Variants in OR2G6 observed in about 807,000 individuals in gnomAD.
OR2G6 encodes olfactory receptor 2G6.
For missense variants in OR2G6, 457 were observed against 391.3 expected (o/e 1.17, Z -1.42); for synonymous variants, 183 against 155.2 (o/e 1.18, Z -1.33).
At chr1:248,520,815 C>G (rs1177759582) in intron 1 of OR2G6, among the ~76,000 whole-genome samples, 3 of 150,722 alleles carry the variant, frequency 2.0e-5, no homozygotes, top group Non-Finnish European at 3.0e-5. Context: ...TCCAGACCAG[C>G]CTGGCCAACA....
In OR2G6 at chr1:248,522,680, C is replaced by CAAGA; in HGVS notation, c.*83_*84insAAGA. On this transcript the variant is annotated 3_prime_UTR_variant, in exon 2 of 2. Coordinates refer to ENST00000641804, the MANE Select transcript of OR2G6 (RefSeq NM_001013355.2). Reference sequence around the variant, plus strand: ...TCCCCAGACATTCCTCTTGTCAATCCCAAAGCCACAGGGACTAGGAAGCAT... The same window carrying CAAGA: ...TCCCCAGACATTCCTCTTGTCAATCCAAGACAAAGCCACAGGGACTAGGAAGCAT... The CAAGA allele has an allele frequency of 1.1e-6, 1 of 890,832 alleles. No homozygotes were observed. The allele number at this position is 890,832 out of a possible 1,614,324, so 55.2% of individuals were successfully genotyped here.
At chr1:248,520,107 C>CAT (rs1558370975) in intron 1 of OR2G6, among the ~76,000 whole-genome samples, 2 of 152,176 alleles carry the variant, frequency 1.3e-5, no homozygotes, top group African/African-American at 4.8e-5. Flanking sequence ...GAAAAGGATG[C>CAT]ATTCATGTCC....
chr1:248,522,889 T>C lies in OR2G6; in HGVS notation c.*292T>C. On this transcript the variant is annotated 3_prime_UTR_variant, in exon 2 of 2. Coordinates refer to ENST00000641804, the MANE Select transcript of OR2G6 (RefSeq NM_001013355.2). ...TTCCTCTTGTCAATCCAAGACCCTG[T>C]GTTCTATCTGGAAAAAAATGTTTGT... 3.1e-6 allele frequency: 1 copy of C among 318,256 alleles called. No individual in the cohort carries two copies. The highest frequency in any genetic ancestry group is 5.7e-6 in the Non-Finnish European group (1 of 174,484). The allele number at this position is 318,256 out of a possible 1,614,324, so 19.7% of individuals were successfully genotyped here. A position where few individuals can be genotyped will look rare whatever the true frequency, so the allele number is the denominator to read the frequency against.
rs1332816475 is a variant in OR2G6, at chr1:248,525,117, A to G, written c.*2520A>G. On this transcript the variant is annotated 3_prime_UTR_variant, in exon 2 of 2. Coordinates refer to ENST00000641804, the MANE Select transcript of OR2G6 (RefSeq NM_001013355.2). Reference sequence around the variant, plus strand: ...ATCTAAAAAATATCCACCATTTATTAAAAATCTTCCCTATAATTGAATAAC... The same window carrying G: ...ATCTAAAAAATATCCACCATTTATTGAAAATCTTCCCTATAATTGAATAAC... 1 of 152,172 alleles carries G rather than the reference A, an allele frequency of 6.6e-6. No homozygotes were observed. Among genetic ancestry groups the G allele is most frequent in the African/African-American group, 2.4e-5 (1 of 41,450 alleles). 9.4% of individuals were successfully genotyped at this position (152,172 alleles called of 1,614,324 possible).
At position 248,526,098 on chromosome 1, in the gene OR2G6, C is replaced by T. The variant is rs1008026051; in HGVS notation, c.*3501C>T. ...TGATCAGACAGGGAAAATAAAAGTA[C>T]CAAGAAAAATAAACAAGGGTCTTAT... On this transcript the variant is annotated 3_prime_UTR_variant, in exon 2 of 2. Coordinates refer to ENST00000641804, the MANE Select transcript of OR2G6 (RefSeq NM_001013355.2). The T allele has an allele frequency of 2.0e-5, 3 of 151,656 alleles. No individual in the cohort carries two copies. Among genetic ancestry groups the T allele is most frequent in the Admixed American group, 6.6e-5 (1 of 15,194 alleles). The allele number at this position is 151,656 out of a possible 1,614,324, so 9.4% of individuals were successfully genotyped here.
At chr1:248,519,757 A>G (rs1012083625) in intron 1 of OR2G6, among the ~76,000 whole-genome samples, 2 of 152,164 alleles carry the variant, frequency 1.3e-5, no homozygotes, top group African/African-American at 4.8e-5. Context: ...GTTCGAAGTC[A>G]GGTAGTGTGA....
At chr1:248,521,582 C>A in intron 1 of OR2G6, 29 bp from the exon 2 acceptor site, 1 of 1,184,016 alleles carries the variant, frequency 8.4e-7, no homozygotes, top group Non-Finnish European at 1.2e-6. Flanking sequence ...GACCTCATTA[C>A]TTTCTATCCC....
In OR2G6 at chr1:248,522,563, TG is replaced by T. The variant is rs1259342648; in HGVS notation, c.920del (p.Gly307ValfsTer17). Reference protein sequence around the residue: ...DVKGALRTLILGSAAGQSHKD With the variant: ...DVKGALRTLIXGSAAGQSHKD ...AAAGGGGCCTTGAGGACCCTGATACTGGGTAGTGCTGCTGGACAAAGCCACA... is the reference window on the plus strand; with the variant it reads ...AAAGGGGCCTTGAGGACCCTGATACTGGTAGTGCTGCTGGACAAAGCCACA... On this transcript the variant is annotated frameshift_variant, in exon 2 of 2. Coordinates refer to ENST00000641804, the MANE Select transcript of OR2G6 (RefSeq NM_001013355.2). LOFTEE classifies it low-confidence loss of function (END_TRUNC). The T allele has an allele frequency of 6.2e-7, 1 of 1,612,384 alleles. No individual in the cohort carries two copies. Among genetic ancestry groups the T allele is most frequent in the African/African-American group, 1.3e-5 (1 of 74,782 alleles).
chr1:248,520,678 C>A (rs12739861), intron 1 of OR2G6, among the ~76,000 whole-genome samples: 47,908 of 151,220 alleles, frequency 0.32, 8,162 homozygotes, highest in East Asian at 0.51. Flanking sequence ...TTCAAGAGCA[C>A]CCTAGCCAAC....
chr1:248,522,269 T>C lies in OR2G6; in HGVS notation c.623T>C (p.Ile208Thr), dbSNP rs1369928291. 6.2e-7 allele frequency: 1 copy of C among 1,614,168 alleles called. No individual in the cohort carries two copies. The highest frequency in any genetic ancestry group is 2.2e-5 in the East Asian group (1 of 44,888). ...ELFVASVVFL[I>T]VPVLLILVSY... ...TTTGTGGCCAGTGTAGTCTTTCTAA[T>C]TGTCCCGGTGTTACTCATCTTAGTC... Residue 208 changes from isoleucine (I) to threonine (T), a missense_variant, in exon 2 of 2, where the codon ATT (isoleucine) becomes ACT (threonine). Coordinates refer to ENST00000641804, the MANE Select transcript of OR2G6 (RefSeq NM_001013355.2).
At chr1:248,519,798 T>C (rs761928262) in intron 1 of OR2G6, among the ~76,000 whole-genome samples, 90 of 152,192 alleles carry the variant, frequency 5.9e-4, no homozygotes, top group Non-Finnish European at 1.1e-3. Context: ...TTGCTTAGGA[T>C]TGTCTTGGCT....
In OR2G6 at chr1:248,524,617, C is replaced by G. The variant is rs1030225726; in HGVS notation, c.*2020C>G. On this transcript the variant is annotated 3_prime_UTR_variant, in exon 2 of 2. Coordinates refer to ENST00000641804, the MANE Select transcript of OR2G6 (RefSeq NM_001013355.2). ...TGGCATTTAAAGGAAAGAAATAGCT[C>G]CAGGTGAAAAGACAACCATGTGTAA... is the stretch of plus-strand genomic sequence containing the variant. 6.6e-6 allele frequency: 1 copy of G among 152,106 alleles called. No individual in the cohort carries two copies. Among genetic ancestry groups the G allele is most frequent in the Non-Finnish European group, 1.5e-5 (1 of 68,030 alleles). The allele number at this position is 152,106 out of a possible 1,614,324, so 9.4% of individuals were successfully genotyped here.
Position 248,522,081 on chromosome 1 carries a change from C to A in OR2G6, c.435C>A (p.Ala145=), listed in dbSNP as rs781744459. ...ACCCCAGGTTCTGTGCGTCTCTGGC[C>A]GGTGGAGCATGGCTCAGCGGCCTCA... ...IMHPRFCASL[A]GGAWLSGLIT... is the part of the protein sequence containing the mutation. Residue 145 remains alanine (A), a synonymous_variant, in exon 2 of 2, where the codon GCC becomes GCA. Coordinates refer to ENST00000641804, the MANE Select transcript of OR2G6 (RefSeq NM_001013355.2). 1 of 1,614,154 alleles carries A rather than the reference C, an allele frequency of 6.2e-7. No homozygotes were observed. Among genetic ancestry groups the A allele is most frequent in the East Asian group, 2.2e-5 (1 of 44,876 alleles).
At position 248,525,220 on chromosome 1, in the gene OR2G6, T is replaced by A. The variant is rs1424523279; in HGVS notation, c.*2623T>A. 1 of 152,190 alleles carries A rather than the reference T, an allele frequency of 6.6e-6. No individual in the cohort carries two copies. Among genetic ancestry groups the A allele is most frequent in the Non-Finnish European group, 1.5e-5 (1 of 68,040 alleles). 9.4% of individuals were successfully genotyped at this position (152,190 alleles called of 1,614,324 possible). ...AATGCTTATAATTATGTACTTATAATGTATTTTATAAATACAATTAGTAAA... is the reference window on the plus strand; with the variant it reads ...AATGCTTATAATTATGTACTTATAAAGTATTTTATAAATACAATTAGTAAA... On this transcript the variant is annotated 3_prime_UTR_variant, in exon 2 of 2. Coordinates refer to ENST00000641804, the MANE Select transcript of OR2G6 (RefSeq NM_001013355.2).
chr1:248,519,989 G>T (rs1664247110), intron 1 of OR2G6, among the ~76,000 whole-genome samples: 1 of 151,848 alleles, frequency 6.6e-6, no homozygotes, highest in African/African-American at 2.4e-5. Context: ...GTTTATTGTG[G>T]CACTATTCAC....
chr1:248,523,286 A>G lies in OR2G6; in HGVS notation c.*689A>G, dbSNP rs944958856. 1 of 152,220 alleles carries G rather than the reference A, an allele frequency of 6.6e-6. No individual in the cohort carries two copies. Among genetic ancestry groups the G allele is most frequent in the African/African-American group, 2.4e-5 (1 of 41,454 alleles). 9.4% of individuals were successfully genotyped at this position (152,220 alleles called of 1,614,324 possible). A position where few individuals can be genotyped will look rare whatever the true frequency, so the allele number is the denominator to read the frequency against. ...TTGGCTTATTTACAACACGAGAAACACAAATATTAAGAGTTGTGATGCTTT... is the reference window on the plus strand; with the variant it reads ...TTGGCTTATTTACAACACGAGAAACGCAAATATTAAGAGTTGTGATGCTTT... On this transcript the variant is annotated 3_prime_UTR_variant, in exon 2 of 2. Transcript: ENST00000641804.
chr1:248,524,031 T>TTTAAGTGATCCCTCTGCCTCAGCC lies in OR2G6; in HGVS notation c.*1437_*1460dup, dbSNP rs1265157508. 1.3e-5 allele frequency: 2 copies of TTTAAGTGATCCCTCTGCCTCAGCC among 152,144 alleles called. No individual in the cohort carries two copies. Among genetic ancestry groups the TTTAAGTGATCCCTCTGCCTCAGCC allele is most frequent in the Admixed American group, 1.3e-4 (2 of 15,248 alleles). 9.4% of individuals were successfully genotyped at this position (152,144 alleles called of 1,614,324 possible). On this transcript the variant is annotated 3_prime_UTR_variant, in exon 2 of 2. Coordinates refer to ENST00000641804, the MANE Select transcript of OR2G6 (RefSeq NM_001013355.2). ...CTCACTGCAGCCTTGACCTCCTGGG[T>TTTAAGTGATCCCTCTGCCTCAGCC]TTAAGTGATCCCTCTGCCTCAGCCT... is the stretch of plus-strand genomic sequence containing the variant.
rs879895555 is a variant in OR2G6 at position 248,524,100 on chromosome 1, T to C, written c.*1503T>C. ...AATAATTCATCCTGGTGTGAGAATA[T>C]TGTAGCCTGTCTACGAATGTTAAGG... On this transcript the variant is annotated 3_prime_UTR_variant, in exon 2 of 2. Coordinates refer to ENST00000641804, the MANE Select transcript of OR2G6 (RefSeq NM_001013355.2). The C allele has an allele frequency of 2.6e-5, 4 of 152,140 alleles. No homozygotes were observed. Among genetic ancestry groups the C allele is most frequent in the East Asian group, 1.9e-4 (1 of 5,192 alleles). 9.4% of individuals were successfully genotyped at this position (152,140 alleles called of 1,614,324 possible).
At chr1:248,521,530 G>A in intron 1 of OR2G6, 81 bp from the exon 2 acceptor site, 2 of 725,104 alleles carry the variant, frequency 2.8e-6, no homozygotes, top group South Asian at 1.8e-5. Context: ...TGATATATAA[G>A]GAAGATAATT....
Sources: allele counts gnomAD v4.1 joint callset (sites outside exome capture counted in the v4.1 genomes callset), GRCh38; gene constraint gnomAD v4.1.1; transcripts MANE v1.5; gene names NCBI Gene and HGNC (gene_info 2026-07-23, HGNC 2026-07-21).